The following RYR2 variants were observed in gnomAD, a reference collection of about 807,000 sequenced individuals.
RYR2 encodes the protein cardiac muscle ryanodine receptor-calcium release channel.
Under a neutral mutation model 601.1 loss-of-function variants are expected in RYR2, and 227 were observed. That is an observed-to-expected ratio of 0.38 (90% CI 0.34 to 0.42). The LOEUF is 0.42. Among genes scored for constraint, RYR2 ranks in the 10% least tolerant of loss-of-function variants. RYR2 has a pLI of 1.00. For missense variants in RYR2, 4,646 were observed against 6,156.5 expected (o/e 0.75, Z 8.21); for synonymous variants, 2,223 against 2,175.1 (o/e 1.02, Z -0.61).
intron 34 of RYR2, among the ~76,000 whole-genome samples, chr1:237,600,022 A>G (rs1414533063): frequency 2.0e-5 from 3 of 152,126 alleles, no homozygotes; most frequent in Non-Finnish European, 4.4e-5. Context: ...AGATTCAGTG[A>G]AGTCCCTATC....
At chr1:237,489,984 T>C (rs1455021386) in intron 17 of RYR2, among the ~76,000 whole-genome samples, 1 of 152,194 alleles carries the variant, frequency 6.6e-6, no homozygotes, top group African/African-American at 2.4e-5. Flanking sequence ...ATATACACCA[T>C]AGAATACCAC....
chr1:237,232,471 T>C (rs963522088), intron 1 of RYR2, among the ~76,000 whole-genome samples: 6 of 152,210 alleles, frequency 3.9e-5, no homozygotes, highest in African/African-American at 1.4e-4. Context: ...CCTTGTACCT[T>C]CCCTCATACC....
At chr1:237,669,590 G>A (rs7412330) in intron 58 of RYR2, among the ~76,000 whole-genome samples, 38,812 of 150,462 alleles carry the variant, frequency 0.26, 5,925 homozygotes, top group East Asian at 0.4. Flanking sequence ...TTGCCAGGCA[G>A]AGGGTCTCCT....
At chr1:237,413,464 T>C (rs1307073973) in intron 10 of RYR2, among the ~76,000 whole-genome samples, 1 of 152,194 alleles carries the variant, frequency 6.6e-6, no homozygotes, top group Non-Finnish European at 1.5e-5. Context: ...TGCGTGATAA[T>C]TCTTCACTTT....
At chr1:237,536,714 CAAAAA>C (rs71561885) in intron 25 of RYR2, among the ~76,000 whole-genome samples, 1 of 54,418 alleles carries the variant, frequency 1.8e-5, no homozygotes, top group African/African-American at 7.6e-5. Context: ...GATTCCGTCT[CAAAAA>C]AAAAAAAAAA....
chr1:237,541,599 A>C (rs1669265083), intron 25 of RYR2, among the ~76,000 whole-genome samples: 1 of 152,076 alleles, frequency 6.6e-6, no homozygotes, highest in Non-Finnish European at 1.5e-5. Flanking sequence ...GTGTGAAGAG[A>C]CCACCAAACA....
At chr1:237,048,363 C>T (rs192195398) in intron 1 of RYR2, among the ~76,000 whole-genome samples, 10 of 152,208 alleles carry the variant, frequency 6.6e-5, no homozygotes, top group African/African-American at 1.2e-4. Flanking sequence ...ACTCAGATTT[C>T]GATGTGTTTC....
At chr1:237,376,409 T>C (rs1352809456) in intron 7 of RYR2, among the ~76,000 whole-genome samples, 1 of 152,024 alleles carries the variant, frequency 6.6e-6, no homozygotes, top group African/African-American at 2.4e-5. Context: ...AAACAAAACA[T>C]ACCAAGTCCC....
chr1:237,506,925 AT>A (rs912993124), intron 23 of RYR2, 111 bp downstream of exon 23: 40 of 911,816 alleles, frequency 4.4e-5, no homozygotes, highest in Admixed American at 2.7e-4. Context: ...AGTTGGATTG[AT>A]TTTTTTCCCC....
At chr1:237,429,740 T>C (rs1706596167) in intron 12 of RYR2, among the ~76,000 whole-genome samples, 2 of 150,798 alleles carry the variant, frequency 1.3e-5, no homozygotes, top group African/African-American at 5.0e-5. Flanking sequence ...AAAAATATTC[T>C]TACTTATATA....
At chr1:237,266,883 T>C (rs1196365062) in intron 1 of RYR2, among the ~76,000 whole-genome samples, 1 of 152,136 alleles carries the variant, frequency 6.6e-6, no homozygotes, top group African/African-American at 2.4e-5. Flanking sequence ...GAACCATGAT[T>C]GAAAGCTGTA....
intron 70 of RYR2, among the ~76,000 whole-genome samples, chr1:237,710,289 C>T (rs1316495827): frequency 6.6e-6 from 1 of 152,124 alleles, no homozygotes; most frequent in African/African-American, 2.4e-5. Flanking sequence ...TTCTATGCCA[C>T]TCTGTAAATG....
chr1:237,414,701 A>G lies in RYR2; in HGVS notation c.774-2348A>G, dbSNP rs140180999. On this transcript the variant is annotated intron_variant, in intron 10 of 104. Coordinates refer to ENST00000366574, the MANE Select transcript of RYR2 (RefSeq NM_001035.3). ...GGGAACATTCAAAATCCTCTCTTCT[A>G]GCTATTTGAAAATATATGCTAAGTT... Among the ~76,000 whole-genome samples, 287 of 152,292 alleles carry G rather than the reference A, an allele frequency of 1.9e-3. 1 individual carries two copies. Among genetic ancestry groups the G allele is most frequent in the Admixed American group, 8.2e-3 (125 of 15,298 alleles).
intron 14 of RYR2, among the ~76,000 whole-genome samples, chr1:237,450,086 T>A (rs1355308236): frequency 1.3e-5 from 2 of 152,142 alleles, no homozygotes; most frequent in African/African-American, 4.8e-5. Flanking sequence ...AGTTTTCCAG[T>A]CTGGCTGCTG....
At chr1:237,178,399 CTTTTGTAGTTAAGGCTCTG>C (rs1283549813) in intron 1 of RYR2, among the ~76,000 whole-genome samples, 6 of 144,960 alleles carry the variant, frequency 4.1e-5, no homozygotes, top group African/African-American at 1.5e-4. Flanking sequence ...AGTTAAGGCT[CTTTTGTAGTTAAGGCTCTG>C]TGTGTGTGTG....
At chr1:237,760,641 C>T (rs984687376) in intron 83 of RYR2, among the ~76,000 whole-genome samples, 2 of 151,962 alleles carry the variant, frequency 1.3e-5, no homozygotes, top group African/African-American at 2.4e-5. Context: ...AGAAGCTATT[C>T]CAACTGCAAA....
chr1:237,199,960 T>A (rs1680998210), intron 1 of RYR2, among the ~76,000 whole-genome samples: 1 of 152,212 alleles, frequency 6.6e-6, no homozygotes, highest in Non-Finnish European at 1.5e-5. Context: ...CGAGTTTTGT[T>A]TATTATAATA....
chr1:237,602,000 A>T (rs747701691), intron 34 of RYR2, 25 bp from the exon 35 acceptor site: 10 of 1,588,150 alleles, frequency 6.3e-6, no homozygotes, highest in African/African-American at 1.3e-5. Flanking sequence ...TACTAACATT[A>T]TTAAATTCAT....
rs546089095 is a variant in RYR2 at position 237,500,245 on chromosome 1, T to A, written c.2204-466T>A. On this transcript the variant is annotated intron_variant, in intron 20 of 104. Transcript: ENST00000366574. ...GTACCTGCTGTGCCTGAGACTCTGT[T>A]ACTTGTAAAACATTAATCGTCAAAA... Among the ~76,000 whole-genome samples, 5 of 152,342 alleles carry A rather than the reference T, an allele frequency of 3.3e-5. No homozygotes were observed. In the South Asian group the frequency reaches 6.2e-4, roughly 19 times the overall value.
Sources: allele counts gnomAD v4.1 joint callset (sites outside exome capture counted in the v4.1 genomes callset), GRCh38; gene constraint gnomAD v4.1.1; transcripts MANE v1.5; gene names NCBI Gene and HGNC (gene_info 2026-07-23, HGNC 2026-07-21).